PTN: variants seen among roughly 807,000 people sequenced by gnomAD.
PTN encodes pleiotrophin, also known as heparin affin regulatory protein.
In PTN, 18 loss-of-function variants were observed where a neutral mutation model predicts 24.1. That is an observed-to-expected ratio of 0.75 (90% CI 0.52 to 1.11). PTN has a LOEUF of 1.11. Ranked by LOEUF, PTN falls within the 50% of genes least tolerant of loss-of-function variation. The pLI, the probability that PTN is intolerant of heterozygous loss-of-function variation, is 0.00. For missense variants in PTN, 163 were observed against 198.8 expected (o/e 0.82, Z 1.08); for synonymous variants, 78 against 68.6 (o/e 1.14, Z -0.67).
At chr7:137,256,485 A>T (rs1005768931) in intron 1 of PTN, among the ~76,000 whole-genome samples, 18 of 152,192 alleles carry the variant, frequency 1.2e-4, no homozygotes, top group African/African-American at 4.3e-4. Context: ...GTCCCTGCAA[A>T]GGACATGATC....
chr7:137,335,836 C>T (rs1810438596), intron 1 of PTN, among the ~76,000 whole-genome samples: 1 of 151,740 alleles, frequency 6.6e-6, no homozygotes, highest in African/African-American at 2.4e-5. Context: ...TGACATGTAG[C>T]TTTTAAGACA....
At chr7:137,243,351 G>A (rs1367819783) in intron 4 of PTN, among the ~76,000 whole-genome samples, 2 of 152,284 alleles carry the variant, frequency 1.3e-5, no homozygotes, top group South Asian at 4.1e-4. Flanking sequence ...TAATTCCAGT[G>A]AGGAGAGACC....
intron 1 of PTN, among the ~76,000 whole-genome samples, chr7:137,338,531 A>AT (rs1345450143): frequency 6.6e-5 from 10 of 152,212 alleles, no homozygotes; most frequent in Non-Finnish European, 8.8e-5. Context: ...CCTTTTTCTC[A>AT]TAAAAATGTG....
chr7:137,230,769 A>T (rs962598980), intron 4 of PTN, among the ~76,000 whole-genome samples: 2 of 151,904 alleles, frequency 1.3e-5, no homozygotes, highest in African/African-American at 4.8e-5. Context: ...GTATCACAAA[A>T]TCTATGACCT....
At chr7:137,271,649 A>G (rs1809277398) in intron 1 of PTN, among the ~76,000 whole-genome samples, 1 of 152,178 alleles carries the variant, frequency 6.6e-6, no homozygotes, top group African/African-American at 2.4e-5. Context: ...GCTTTAATTT[A>G]TTATAATTGA....
At chr7:137,282,242 G>C (rs1331084696) in intron 1 of PTN, among the ~76,000 whole-genome samples, 1 of 152,150 alleles carries the variant, frequency 6.6e-6, no homozygotes, top group Non-Finnish European at 1.5e-5. Context: ...TTTTAGAGAA[G>C]CTATGTATTC....
In PTN at chr7:137,343,454, T is replaced by A. The variant is rs778799270; in HGVS notation, c.-17A>T. On this transcript the variant is annotated 5_prime_UTR_variant, in exon 1 of 5. Coordinates refer to ENST00000348225, the MANE Select transcript of PTN (RefSeq NM_002825.7). ...TCTCACTTACTTTGAGTTGGAAACGTCCTCTCTGGCGCTCAGTCTGCCTTT... is the reference window on the plus strand; with the variant it reads ...TCTCACTTACTTTGAGTTGGAAACGACCTCTCTGGCGCTCAGTCTGCCTTT... 3.9e-6 allele frequency: 2 copies of A among 517,158 alleles called. No homozygotes were observed. The highest frequency in any genetic ancestry group is 1.9e-5 in the African/African-American group (1 of 51,804). 32.0% of individuals were successfully genotyped at this position (517,158 alleles called of 1,614,324 possible). A position where few individuals can be genotyped will look rare whatever the true frequency, so the allele number is the denominator to read the frequency against.
chr7:137,282,668 A>C (rs1809491730), intron 1 of PTN, among the ~76,000 whole-genome samples: 1 of 152,236 alleles, frequency 6.6e-6, no homozygotes, highest in Non-Finnish European at 1.5e-5. Flanking sequence ...GGTACACAAC[A>C]AAGCATTACA....
chr7:137,325,166 C>T (rs753973134), intron 1 of PTN, among the ~76,000 whole-genome samples: 1 of 152,120 alleles, frequency 6.6e-6, no homozygotes, highest in Non-Finnish European at 1.5e-5. Context: ...ATAATATGCC[C>T]TGTGTTAAAT....
At chr7:137,229,422 T>C (rs1808390965) in intron 4 of PTN, among the ~76,000 whole-genome samples, 1 of 151,750 alleles carries the variant, frequency 6.6e-6, no homozygotes, top group South Asian at 2.1e-4. Flanking sequence ...GAAGATATGA[T>C]ATGATGCCAA....
intron 1 of PTN, among the ~76,000 whole-genome samples, chr7:137,279,312 G>A (rs961914760): frequency 1.1e-4 from 17 of 152,046 alleles, no homozygotes; most frequent in East Asian, 1.9e-4. Context: ...GAGAAAAATC[G>A]CATGGTCATC....
At chr7:137,245,902 TAA>T (rs1318515150) in intron 4 of PTN, among the ~76,000 whole-genome samples, 2 of 152,228 alleles carry the variant, frequency 1.3e-5, no homozygotes, top group African/African-American at 4.8e-5. Flanking sequence ...TTTTGAACTT[TAA>T]GTCTTATTTT....
chr7:137,336,772 T>G (rs1300192742), intron 1 of PTN, among the ~76,000 whole-genome samples: 1 of 152,192 alleles, frequency 6.6e-6, no homozygotes, highest in Non-Finnish European at 1.5e-5. Context: ...CATCTGGTGC[T>G]GCTTCACCAT....
intron 1 of PTN, among the ~76,000 whole-genome samples, chr7:137,294,856 C>T (rs1809694801): frequency 1.3e-5 from 2 of 152,166 alleles, no homozygotes; most frequent in African/African-American, 4.8e-5. Flanking sequence ...TCAGATATCA[C>T]TGCTGTTTTG....
At chr7:137,338,405 G>A (rs73455103) in intron 1 of PTN, among the ~76,000 whole-genome samples, 22 of 152,250 alleles carry the variant, frequency 1.4e-4, no homozygotes, top group African/African-American at 4.6e-4. Flanking sequence ...ATGAAAACAC[G>A]AAGGAATCAG....
chr7:137,303,665 A>T lies in PTN; in HGVS notation c.-2+39774T>A, dbSNP rs369644636. 3.9e-5 allele frequency among the ~76,000 whole-genome samples: 6 copies of T among 152,036 alleles called. No individual in the cohort carries two copies. In the East Asian group the frequency reaches 1.2e-3, roughly 29 times the overall value. On this transcript the variant is annotated intron_variant, in intron 1 of 4. Transcript: ENST00000348225. ...GTAGGAAAATCATAATTTGATTCTT[A>T]TGTTAATCCAATTCTCATCAAAATT...
chr7:137,230,744 G>T (rs1808413195), intron 4 of PTN, among the ~76,000 whole-genome samples: 1 of 151,756 alleles, frequency 6.6e-6, no homozygotes, highest in African/African-American at 2.4e-5. Flanking sequence ...TAGTATACAT[G>T]ATGGGTTTAA....
chr7:137,249,337 T>G (rs1808781917), intron 4 of PTN, among the ~76,000 whole-genome samples: 1 of 151,702 alleles, frequency 6.6e-6, no homozygotes, highest in African/African-American at 2.4e-5. Flanking sequence ...TGTGGTCTCT[T>G]GTCAATGGAT....
chr7:137,229,206 G>A (rs896196883), intron 4 of PTN, among the ~76,000 whole-genome samples: 1 of 151,698 alleles, frequency 6.6e-6, no homozygotes, highest in African/African-American at 2.4e-5. Flanking sequence ...TTATCATTAG[G>A]GTGATAATAG....
Sources: allele counts gnomAD v4.1 joint callset (sites outside exome capture counted in the v4.1 genomes callset), GRCh38; gene constraint gnomAD v4.1.1; transcripts MANE v1.5; gene names NCBI Gene and HGNC (gene_info 2026-07-23, HGNC 2026-07-21).